The following CEP128 variants were observed in gnomAD, a reference collection of about 807,000 sequenced individuals.
CEP128 encodes the protein centrosomal protein 128, also known as centrosomal protein 128kDa.
A neutral mutation model predicts 156.7 loss-of-function variants in CEP128; 132 were observed. The ratio of observed to expected loss-of-function variants is 0.84; its 90% CI spans 0.73 to 0.97. CEP128 has a LOEUF of 0.97. Among genes scored for constraint, CEP128 ranks in the 50% least tolerant of loss-of-function variants. The pLI, the probability that CEP128 is intolerant of heterozygous loss-of-function variation, is 0.00. For synonymous variants in CEP128, 469 were observed against 448.9 expected (o/e 1.04, Z -0.57); for missense variants, 1,252 against 1,281.9 (o/e 0.98, Z 0.36).
At position 80,817,696 on chromosome 14, in the gene CEP128, C is replaced by T. The variant is rs559103075; in HGVS notation, c.1209+13447G>A. On this transcript the variant is annotated intron_variant, in intron 13 of 24. Coordinates refer to ENST00000555265, the MANE Select transcript of CEP128 (RefSeq NM_152446.5). ...AGGAGATCAAGGCCATCCTGGCCAA[C>T]GTGATGAAACCCCATCTCTACTAAA... 4.3e-4 allele frequency among the ~76,000 whole-genome samples: 65 copies of T among 152,184 alleles called. 1 individual carries two copies. The highest frequency in any genetic ancestry group is 1.4e-3 in the African/African-American group (57 of 41,530).
intron 19 of CEP128, among the ~76,000 whole-genome samples, chr14:80,590,914 A>G (rs1420731754): frequency 6.6e-6 from 1 of 152,238 alleles, no homozygotes; most frequent in East Asian, 1.9e-4. Flanking sequence ...ACTAAGCTTC[A>G]TAACTGAAGG....
intron 19 of CEP128, among the ~76,000 whole-genome samples, chr14:80,624,136 T>G (rs1257574987): frequency 2.0e-5 from 3 of 151,494 alleles, no homozygotes; most frequent in East Asian, 3.9e-4. Context: ...CAAACTCAAG[T>G]TTTTTTTTAG....
At chr14:80,683,781 T>A (rs1350524141) in intron 19 of CEP128, among the ~76,000 whole-genome samples, 2 of 152,006 alleles carry the variant, frequency 1.3e-5, no homozygotes, top group African/African-American at 4.8e-5. Flanking sequence ...CTGACCATAG[T>A]GGAATAAAAA....
chr14:80,800,362 T>A (rs947253534), intron 13 of CEP128, among the ~76,000 whole-genome samples: 1 of 152,128 alleles, frequency 6.6e-6, no homozygotes, highest in Non-Finnish European at 1.5e-5. Flanking sequence ...AAAGAGAACT[T>A]TTTATATCTT....
At chr14:80,891,708 T>G (rs1889109847) in intron 8 of CEP128, among the ~76,000 whole-genome samples, 1 of 152,080 alleles carries the variant, frequency 6.6e-6, no homozygotes, top group Non-Finnish European at 1.5e-5. Flanking sequence ...TTGAATTGTT[T>G]GTAACAAAGA....
chr14:80,822,443 A>C (rs1467892980), intron 13 of CEP128: 1 of 492,324 alleles, frequency 2.0e-6, no homozygotes, highest in Non-Finnish European at 3.9e-6. Context: ...AGTGTGAAGA[A>C]GAGGCGAGAA....
intron 19 of CEP128, among the ~76,000 whole-genome samples, chr14:80,634,735 G>A (rs980079214): frequency 6.6e-6 from 1 of 152,060 alleles, no homozygotes; most frequent in African/African-American, 2.4e-5. Flanking sequence ...TCACTCACAT[G>A]TCTTTTTTTC....
Position 80,831,191 on chromosome 14 carries a change from G to A in CEP128, c.1161C>T (p.Cys387=), listed in dbSNP as rs1885773785. ...MASELEEVKR[C]MERKDKEKAH... The stretch of plus-strand genomic sequence containing the variant: ...CTTTCTCCTTGTCTTTTCTCTCCAT[G>A]CACCGTTTCACTTCCTCTAACTCAG... Residue 387 remains cysteine (C), a synonymous_variant, in exon 13 of 25, where the codon TGC becomes TGT. Transcript: ENST00000555265. The A allele has an allele frequency of 1.9e-6, 3 of 1,613,758 alleles. 1 individual carries two copies. Among genetic ancestry groups the A allele is most frequent in the Admixed American group, 3.3e-5 (2 of 59,992 alleles).
chr14:80,830,421 C>T (rs1885728156), intron 13 of CEP128: 2 of 396,742 alleles, frequency 5.0e-6, no homozygotes. Context: ...CACAACTTCA[C>T]TTACAAAAAC....
chr14:80,600,584 G>A (rs553393688), intron 19 of CEP128, among the ~76,000 whole-genome samples: 1 of 152,234 alleles, frequency 6.6e-6, no homozygotes, highest in African/African-American at 2.4e-5. Flanking sequence ...ATGGTGAAAT[G>A]AAAGTACAGT....
chr14:80,756,059 T>A (rs954936796), intron 18 of CEP128, among the ~76,000 whole-genome samples: 2 of 152,134 alleles, frequency 1.3e-5, no homozygotes, highest in Admixed American at 1.3e-4. Context: ...GAAAGAAAAT[T>A]CTAAGTACAT....
chr14:80,490,065 G>A (rs1290727432), downstream of CEP128, among the ~76,000 whole-genome samples: 1 of 152,090 alleles, frequency 6.6e-6, no homozygotes, highest in East Asian at 1.9e-4. Context: ...ACAATAAGGG[G>A]GAGGGGCATC....
chr14:80,581,838 C>T (rs1891605860), intron 19 of CEP128, among the ~76,000 whole-genome samples: 1 of 152,206 alleles, frequency 6.6e-6, no homozygotes, highest in East Asian at 1.9e-4. Flanking sequence ...TTCCTGCATC[C>T]TCACTCATTT....
intron 13 of CEP128, among the ~76,000 whole-genome samples, chr14:80,810,841 T>C (rs1884492638): frequency 6.6e-6 from 1 of 152,176 alleles, no homozygotes. Flanking sequence ...GTATGTTACA[T>C]AGGTAAATGG....
At chr14:80,493,542 A>G (rs1271604303), downstream of CEP128, among the ~76,000 whole-genome samples, 1 of 152,218 alleles carries the variant, frequency 6.6e-6, no homozygotes, top group Non-Finnish European at 1.5e-5. Flanking sequence ...CCCACGTTAG[A>G]ATACAGCTAT....
At chr14:80,629,906 G>A (rs1350490095) in intron 19 of CEP128, among the ~76,000 whole-genome samples, 2 of 151,944 alleles carry the variant, frequency 1.3e-5, no homozygotes, top group Non-Finnish European at 2.9e-5. Flanking sequence ...CTATTTAAGA[G>A]AGAATTGAAT....
At chr14:80,735,187 C>T (rs1898471746) in intron 19 of CEP128, among the ~76,000 whole-genome samples, 1 of 151,898 alleles carries the variant, frequency 6.6e-6, no homozygotes, top group African/African-American at 2.4e-5. Flanking sequence ...CACTATAGTA[C>T]AAGTCAAAAT....
At position 80,840,777 on chromosome 14, in the gene CEP128, A is replaced by C; in HGVS notation, c.763-9T>G. ...TCTTGTTTCTTTAGTGCCTGGAATG[A>C]AAGAGGTGGAAAAAAATTATCCCAA... On this transcript the variant is annotated splice_polypyrimidine_tract_variant and intron_variant, in intron 9 of 24. Coordinates refer to ENST00000555265, the MANE Select transcript of CEP128 (RefSeq NM_152446.5). 1 of 1,560,078 alleles carries C rather than the reference A, an allele frequency of 6.4e-7. No individual in the cohort carries two copies.
At chr14:80,832,089 T>G (rs1466898602) in intron 12 of CEP128, among the ~76,000 whole-genome samples, 1 of 151,920 alleles carries the variant, frequency 6.6e-6, no homozygotes, top group Non-Finnish European at 1.5e-5. Context: ...TAAAGGAGAG[T>G]TCCCCTACAC....
Sources: allele counts gnomAD v4.1 joint callset (sites outside exome capture counted in the v4.1 genomes callset), GRCh38; gene constraint gnomAD v4.1.1; transcripts MANE v1.5; gene names NCBI Gene and HGNC (gene_info 2026-07-23, HGNC 2026-07-21).